Variants in BLMH observed in about 807,000 individuals in gnomAD.
BLMH encodes the protein BLM hydrolase.
In BLMH, 32 loss-of-function variants were observed where a neutral mutation model predicts 61.6. That is an observed-to-expected ratio of 0.52 (90% CI 0.39 to 0.70). The LOEUF is 0.70. Ranked by LOEUF, BLMH falls within the 30% of genes least tolerant of loss-of-function variation. The probability of loss-of-function intolerance (pLI) is 0.00; values close to 1 mark genes in which losing one functional copy is unlikely to be tolerated. For synonymous variants in BLMH, 183 were observed against 193.8 expected, an observed-to-expected ratio of 0.94 and a Z score of 0.46; for missense variants, 460 against 555.5, an observed-to-expected ratio of 0.83 and a Z score of 1.73.
chr17:30,289,177 A>C (rs1908814835), intron 3 of BLMH, among the ~76,000 whole-genome samples, 196 bp downstream of exon 3: 1 of 152,182 alleles, frequency 6.6e-6, no homozygotes, highest in African/African-American at 2.4e-5. Flanking sequence ...TTTCATTGCA[A>C]AAAAATGGCC....
chr17:30,270,777 G>A (rs1908247194), intron 10 of BLMH, among the ~76,000 whole-genome samples: 1 of 152,062 alleles, frequency 6.6e-6, no homozygotes, highest in African/African-American at 2.4e-5. Context: ...CTATTTCACA[G>A]GAAATTCAAA....
At chr17:30,273,793 G>A (rs912925540) in intron 7 of BLMH, 30 of 535,450 alleles carry the variant, frequency 5.6e-5, no homozygotes, top group Non-Finnish European at 9.8e-5. Context: ...GGGCGCATGT[G>A]GGAATTAAAA....
rs751644746 is a variant in BLMH at position 30,286,798 on chromosome 17, G to C, written c.552+16C>G. 5.2e-6 allele frequency: 8 copies of C among 1,542,042 alleles called. No individual in the cohort carries two copies. The African/African-American group carries it at 1.1e-4, about 21-fold the overall frequency. On this transcript the variant is annotated intron_variant, in intron 5 of 11. Coordinates refer to ENST00000261714, the MANE Select transcript of BLMH (RefSeq NM_000386.4). Reference sequence around the variant, plus strand: ...AGTACACTAAACTCAATCCCACCCTGCTTCATATATTGTACCTTGTGATTC... The same window carrying C: ...AGTACACTAAACTCAATCCCACCCTCCTTCATATATTGTACCTTGTGATTC...
Position 30,271,268 on chromosome 17 carries a change from T to C in BLMH, c.1146+3A>G. The C allele has an allele frequency of 6.2e-7, 1 of 1,601,986 alleles. No individual in the cohort carries two copies. Among genetic ancestry groups the C allele is most frequent in the Non-Finnish European group, 8.6e-7 (1 of 1,168,938 alleles). On this transcript the variant is annotated splice_donor_region_variant and intron_variant, in intron 10 of 11. Coordinates refer to ENST00000261714, the MANE Select transcript of BLMH (RefSeq NM_000386.4). The stretch of plus-strand genomic sequence containing the variant: ...ACTCCAGCAGGCATGCTGAGGGTCA[T>C]ACCTTCTCTGAGACAGCAGTGAAGG...
rs1166707197 is a variant in BLMH at position 30,291,426 on chromosome 17, G to A, written c.96C>T (p.Thr32=). 3 of 1,614,104 alleles carry A rather than the reference G, an allele frequency of 1.9e-6. No individual in the cohort carries two copies. In the Admixed American group the frequency reaches 5.0e-5, roughly 27 times the overall value. ...PQFVLAQNVG[T]THDLLDICLK... is the part of the protein sequence containing the mutation. ...GACAGATGTCCAGCAGGTCGTGGGT[G>A]GTCCCGACATTCTGGGCAAGTACGA... Residue 32 remains threonine, a synonymous_variant, in exon 2 of 12, where the codon ACC becomes ACT. Coordinates refer to ENST00000261714, the MANE Select transcript of BLMH (RefSeq NM_000386.4).
Position 30,274,044 on chromosome 17 carries a change from T to C in BLMH, c.799A>G (p.Lys267Glu). Residue 267 changes from lysine (K) to glutamate (E), a missense_variant and splice_region_variant, in exon 7 of 12, where the codon AAG becomes GAG. Physicochemically the swap from Lys to Glu is moderately conservative, Grantham distance 56 (BLOSUM62 1). Transcript: ENST00000261714. ...GACTACCAGTGCCATTCACCAACCT[T>C]ATCTTCCATATTGAAGAGTGGCTTG... The part of the protein sequence containing the change: ...HVKPLFNMED[K>E]ICLVNDPRPQ... 6.2e-7 allele frequency: 1 copy of C among 1,614,122 alleles called. No individual in the cohort carries two copies. The highest frequency in any genetic ancestry group is 8.5e-7 in the Non-Finnish European group (1 of 1,179,992).
At chr17:30,290,159 T>C (rs1431129103) in intron 2 of BLMH, among the ~76,000 whole-genome samples, 2 of 152,268 alleles carry the variant, frequency 1.3e-5, no homozygotes, top group African/African-American at 2.4e-5. Flanking sequence ...TACATTTACC[T>C]GTATGTCACC....
chr17:30,271,590 A>G (rs1046676228), intron 9 of BLMH: 2 of 445,900 alleles, frequency 4.5e-6, no homozygotes, highest in Non-Finnish European at 8.1e-6. Flanking sequence ...GTGTCACAAG[A>G]GTATGCAGGA....
At chr17:30,284,726 A>G (rs73989823) in intron 6 of BLMH, among the ~76,000 whole-genome samples, 1,859 of 152,342 alleles carry the variant, frequency 0.012, 37 homozygotes, top group African/African-American at 0.042. Context: ...TTTCTACAGA[A>G]AGAAGCCAAA....
intron 5 of BLMH, 50 bp from the exon 6 acceptor site, chr17:30,285,530 T>C (rs1299665472): frequency 2.0e-6 from 3 of 1,469,906 alleles, no homozygotes; most frequent in Non-Finnish European, 2.8e-6. Context: ...AATTCAATTG[T>C]AAATGACTCT....
At chr17:30,250,552 G>A (rs1458088677) in intron 11 of BLMH, among the ~76,000 whole-genome samples, 1 of 152,170 alleles carries the variant, frequency 6.6e-6, no homozygotes, top group African/African-American at 2.4e-5. Flanking sequence ...CCTTACTCCT[G>A]CAAGAATGGC....
chr17:30,277,824 T>A (rs1365328659), intron 6 of BLMH, among the ~76,000 whole-genome samples: 1 of 152,248 alleles, frequency 6.6e-6, no homozygotes, highest in Non-Finnish European at 1.5e-5. Flanking sequence ...AAATGAATTC[T>A]ATAGTGAGTC....
chr17:30,272,940 G>A, intron 7 of BLMH, 41 bp from the exon 8 acceptor site: 1 of 1,601,254 alleles, frequency 6.2e-7, no homozygotes, highest in Non-Finnish European at 8.5e-7. Context: ...CACAAAACCA[G>A]GAATGTCAAG....
At chr17:30,251,581 G>A (rs531708911) in intron 11 of BLMH, among the ~76,000 whole-genome samples, 1 of 152,238 alleles carries the variant, frequency 6.6e-6, no homozygotes, top group African/African-American at 2.4e-5. Flanking sequence ...ACCTAGGCCT[G>A]TGCTATACCA....
intron 11 of BLMH, among the ~76,000 whole-genome samples, chr17:30,252,668 G>T (rs1907704697): frequency 6.6e-6 from 1 of 152,016 alleles, no homozygotes; most frequent in African/African-American, 2.4e-5. Context: ...AATGGTAGGG[G>T]TTGGGAGTGC....
At position 30,252,533 on chromosome 17, in the gene BLMH, CAAAAAAAAAA is replaced by C. The variant is rs34594289; in HGVS notation, c.1217-3375_1217-3366del. 2.9e-3 allele frequency among the ~76,000 whole-genome samples: 190 copies of C among 66,394 alleles called. 1 individual carries two copies. The highest frequency in any genetic ancestry group is 4.4e-3 in the Non-Finnish European group (151 of 34,252). 43.6% of individuals were successfully genotyped at this position (66,394 alleles called of 152,430 possible). ...GCAACATGGCGAAACCCCATCCTCACAAAAAAAAAAAAAAAAAAAAAAAAAATTAGCTGGT... is the reference window on the plus strand; with the variant it reads ...GCAACATGGCGAAACCCCATCCTCACAAAAAAAAAAAAAAAATTAGCTGGT... On this transcript the variant is annotated intron_variant, in intron 11 of 11. Coordinates refer to ENST00000261714, the MANE Select transcript of BLMH (RefSeq NM_000386.4).
intron 11 of BLMH, among the ~76,000 whole-genome samples, chr17:30,251,232 A>G (rs1795062167): frequency 6.6e-6 from 1 of 152,244 alleles, no homozygotes; most frequent in East Asian, 1.9e-4. Context: ...AAAACTACTG[A>G]AAGTTAAAAA....
intron 11 of BLMH, chr17:30,252,047 T>C (rs1459854202): frequency 6.6e-6 from 1 of 152,218 alleles, no homozygotes; most frequent in African/African-American, 2.4e-5. Flanking sequence ...AATTCCTGTA[T>C]CTGCATCTGT....
chr17:30,281,092 GTTT>G (rs11316556), intron 6 of BLMH, among the ~76,000 whole-genome samples: 1 of 129,486 alleles, frequency 7.7e-6, no homozygotes, highest in Non-Finnish European at 1.7e-5. Context: ...TTTCTTTGTT[GTTT>G]TTTTTTTTTT....
Sources: allele counts gnomAD v4.1 joint callset (sites outside exome capture counted in the v4.1 genomes callset), GRCh38; gene constraint gnomAD v4.1.1; transcripts MANE v1.5; gene names NCBI Gene and HGNC (gene_info 2026-07-23, HGNC 2026-07-21).